XYLB: variants seen among roughly 807,000 people sequenced by gnomAD.
XYLB encodes xylulokinase.
A neutral mutation model predicts 78.7 loss-of-function variants in XYLB; 62 were observed. The observed-to-expected ratio is 0.79, with a 90% CI of 0.64 to 0.97. The LOEUF is 0.97. XYLB is among the 50% of genes least tolerant of loss of function. XYLB has a pLI of 0.00. For synonymous variants in XYLB, 245 were observed against 247.4 expected (o/e 0.99, Z 0.09); for missense variants, 687 against 676.8 (o/e 1.02, Z -0.17).
chr3:38,424,015 C>T (rs1414237020), downstream of XYLB, among the ~76,000 whole-genome samples: 1 of 152,178 alleles, frequency 6.6e-6, no homozygotes, highest in South Asian at 2.1e-4. Context: ...GCATTCCTAC[C>T]TCTGCCATGA....
rs201092883 is a variant in XYLB at position 38,400,973 on chromosome 3, G to T, written c.1521G>T (p.Pro507=). The change falls in exon 18 of 19, where the codon CCG becomes CCT. Residue 507 remains proline, a synonymous_variant. Coordinates refer to ENST00000207870, the MANE Select transcript of XYLB (RefSeq NM_005108.4). ...CCAGACTAGCTGCTACCCCAAGCCC[G>T]GGAGCTTCTCAGGTGAGAGACCATC... The part of the protein sequence containing the change: ...PNPRLAATPS[P]GASQVYEALL... The T allele has an allele frequency of 1.2e-6, 2 of 1,614,112 alleles. No individual in the cohort carries two copies. The highest frequency in any genetic ancestry group is 1.7e-6 in the Non-Finnish European group (2 of 1,179,978).
chr3:38,384,257 G>A (rs985424041), intron 15 of XYLB, among the ~76,000 whole-genome samples: 1 of 152,026 alleles, frequency 6.6e-6, no homozygotes, highest in African/African-American at 2.4e-5. Flanking sequence ...GTAGAGACGG[G>A]GTTTCACCGT....
intron 2 of XYLB, among the ~76,000 whole-genome samples, chr3:38,349,098 C>G (rs1705218883): frequency 6.6e-6 from 1 of 152,204 alleles, no homozygotes; most frequent in Non-Finnish European, 1.5e-5. Flanking sequence ...GGTGCTTAAG[C>G]TAGAGATCAG....
intron 15 of XYLB, 122 bp from the exon 16 acceptor site, chr3:38,395,383 G>C: frequency 1.2e-6 from 1 of 829,752 alleles, no homozygotes; most frequent in South Asian, 1.5e-5. Flanking sequence ...GTAGTCCTGT[G>C]TGATAAGTGG....
intron 18 of XYLB, among the ~76,000 whole-genome samples, chr3:38,402,293 G>T (rs949771851): frequency 6.6e-6 from 1 of 152,130 alleles, no homozygotes; most frequent in Non-Finnish European, 1.5e-5. Flanking sequence ...CAGTGTCTCT[G>T]CCCTGGAGAG....
rs1047066929 is a variant in XYLB at position 38,399,469 on chromosome 3, A to G, written c.1439-1422A>G. On this transcript the variant is annotated intron_variant, in intron 17 of 18. Coordinates refer to ENST00000207870, the MANE Select transcript of XYLB (RefSeq NM_005108.4). ...AATAAATATTTTAAGAGAGAATTCA[A>G]TAGGTGATGGTTTTGAGGCCTGACA... is the stretch of plus-strand genomic sequence containing the variant. Among the ~76,000 whole-genome samples the G allele has an allele frequency of 2.6e-4, 40 of 152,176 alleles. 1 individual carries two copies. Among genetic ancestry groups the G allele is most frequent in the Non-Finnish European group, 5.9e-5 (4 of 68,030 alleles).
intron 2 of XYLB, among the ~76,000 whole-genome samples, chr3:38,359,901 G>T (rs1378090116): frequency 6.6e-6 from 1 of 152,130 alleles, no homozygotes; most frequent in African/African-American, 2.4e-5. Flanking sequence ...GGTGGGTGGG[G>T]AGAGGGTTCC....
At chr3:38,408,058 C>T (rs1708405221) in intron 18 of XYLB, among the ~76,000 whole-genome samples, 1 of 151,716 alleles carries the variant, frequency 6.6e-6, no homozygotes, top group Non-Finnish European at 1.5e-5. Context: ...CAGAACTCTC[C>T]ACCCCAAATC....
intron 18 of XYLB, among the ~76,000 whole-genome samples, chr3:38,411,574 G>A (rs1226685869): frequency 4.0e-5 from 6 of 150,666 alleles, no homozygotes; most frequent in Admixed American, 6.6e-5. Flanking sequence ...CAATTTACTC[G>A]AACATTTTCC....
rs199628219 is a variant in XYLB at position 38,412,953 on chromosome 3, C to G, written c.1551C>G (p.Leu517=). The change falls in exon 19 of 19, where the codon CTC becomes CTG. Residue 517 remains leucine (L), a synonymous_variant. Coordinates refer to ENST00000207870, the MANE Select transcript of XYLB (RefSeq NM_005108.4). ...CCTTCTAGGTCTACGAGGCCCTTCT[C>G]CCCCAGTATGCCAAACTCGAGCAGA... ...PGASQVYEAL[L]PQYAKLEQRI... The G allele has an allele frequency of 4.4e-6, 7 of 1,603,476 alleles. No individual in the cohort carries two copies. In the Admixed American group the frequency reaches 8.6e-5, roughly 20 times the overall value.
At chr3:38,433,595 T>C in the XYLB span, among the ~76,000 whole-genome samples, 3 of 152,352 alleles carry the variant, frequency 2.0e-5, no homozygotes, top group Admixed American at 2.0e-4. Context: ...CACAGATCTC[T>C]AGGGCAAGGG....
intron 14 of XYLB, 67 bp downstream of exon 14, chr3:38,377,058 T>C: frequency 2.2e-6 from 3 of 1,356,472 alleles, no homozygotes; most frequent in Non-Finnish European, 2.1e-6. Context: ...AACAATTGCC[T>C]ATCAAATTAT....
At position 38,377,682 on chromosome 3, in the gene XYLB, A is replaced by C. The variant is rs752537499; in HGVS notation, c.1194+691A>C. On this transcript the variant is annotated intron_variant, in intron 14 of 18. Transcript: ENST00000207870. ...GGCTGGTCTCGAACTCCTAACCTCA[A>C]GTGATACGCCCCCTCCCAAAATGCT... 4.6e-5 allele frequency among the ~76,000 whole-genome samples: 7 copies of C among 152,028 alleles called. 1 individual carries two copies. The highest frequency in any genetic ancestry group is 3.9e-4 in the Admixed American group (6 of 15,248).
At chr3:38,428,021 C>A in the XYLB span, among the ~76,000 whole-genome samples, 3 of 152,202 alleles carry the variant, frequency 2.0e-5, no homozygotes, top group Non-Finnish European at 4.4e-5. Flanking sequence ...CGTAAATTTT[C>A]ATATGTTCTG....
chr3:38,391,516 T>C (rs1029397457), intron 15 of XYLB, among the ~76,000 whole-genome samples: 6 of 152,248 alleles, frequency 3.9e-5, no homozygotes, highest in African/African-American at 1.4e-4. Context: ...AATTCATCCA[T>C]GTTAATGTGC....
downstream of XYLB, chr3:38,421,236 G>A (rs1229422882): frequency 2.6e-5 from 4 of 152,546 alleles, no homozygotes; most frequent in Admixed American, 1.3e-4. Flanking sequence ...GAGTCTCCAC[G>A]ACCGAGCTGG....
rs1307541344 is a variant in XYLB, at chr3:38,373,210, C to T, written c.847+474C>T. Among the ~76,000 whole-genome samples the T allele has an allele frequency of 2.0e-5, 3 of 152,150 alleles. No individual in the cohort carries two copies. The East Asian group carries it at 5.8e-4, about 29-fold the overall frequency. ...TCTCCTTCCCTAGCCTCTTCTCTTC[C>T]TCCTCCTCTCCTCTGGGTAGCCCTG... On this transcript the variant is annotated intron_variant, in intron 10 of 18. Coordinates refer to ENST00000207870, the MANE Select transcript of XYLB (RefSeq NM_005108.4).
At chr3:38,433,713 G>T in the XYLB span, among the ~76,000 whole-genome samples, 14 of 152,266 alleles carry the variant, frequency 9.2e-5, no homozygotes, top group South Asian at 2.1e-4. Context: ...GGACTCCATT[G>T]TCCATATCAC....
chr3:38,431,144 G>A, the XYLB span, among the ~76,000 whole-genome samples: 1 of 152,172 alleles, frequency 6.6e-6, no homozygotes, highest in Admixed American at 6.5e-5. Context: ...ATTACCTTGG[G>A]CAGTATGGCC....
Sources: gnomAD v4.1 joint callset for allele counts (sites outside exome capture counted in the v4.1 genomes callset) on GRCh38, gnomAD v4.1.1 for gene constraint, MANE v1.5 for transcripts, NCBI Gene and HGNC (gene_info 2026-07-23, HGNC 2026-07-21) for gene names.